The following NCKAP5 variants were observed in gnomAD, a reference collection of about 807,000 sequenced individuals.
NCKAP5 encodes NCK associated protein 5, also known as nck-associated protein 5.
Under a neutral mutation model 167.0 loss-of-function variants are expected in NCKAP5, and 92 were observed. The observed-to-expected ratio is 0.55, with a 90% CI of 0.47 to 0.66. The LOEUF is 0.66. NCKAP5 is among the 30% of genes least tolerant of loss of function. The pLI is 0.00. For missense variants in NCKAP5, 2,378 were observed against 2,315.0 expected (o/e 1.03, Z -0.56); for synonymous variants, 891 against 877.4 (o/e 1.02, Z -0.27).
intron 3 of NCKAP5, among the ~76,000 whole-genome samples, chr2:133,378,676 T>C (rs72989655): frequency 0.037 from 5,585 of 152,258 alleles, 334 homozygotes; most frequent in African/African-American, 0.13. Context: ...AGGAAATTAA[T>C]TGAAAAGAAG....
chr2:132,987,319 C>T (rs1259239676), intron 7 of NCKAP5, among the ~76,000 whole-genome samples: 1 of 152,266 alleles, frequency 6.6e-6, no homozygotes, highest in African/African-American at 2.4e-5. Flanking sequence ...GGAATAATAT[C>T]TCTGCCAGGC....
At chr2:133,370,437 G>A (rs779284255) in intron 3 of NCKAP5, among the ~76,000 whole-genome samples, 16 of 152,254 alleles carry the variant, frequency 1.1e-4, no homozygotes, top group South Asian at 2.1e-4. Context: ...GAATTATACC[G>A]TGCCCTTGAT....
intron 3 of NCKAP5, among the ~76,000 whole-genome samples, chr2:133,387,044 C>T (rs954342949): frequency 1.3e-5 from 2 of 152,178 alleles, no homozygotes; most frequent in Non-Finnish European, 2.9e-5. Flanking sequence ...AGCCCATTTA[C>T]ATTTAAGGTT....
chr2:132,737,987 T>C (rs1691680092), intron 16 of NCKAP5, among the ~76,000 whole-genome samples: 2 of 152,180 alleles, frequency 1.3e-5, no homozygotes, highest in African/African-American at 4.8e-5. Context: ...CCCTCACTGA[T>C]GTGGAATGAA....
chr2:133,309,406 C>T (rs760823924), intron 3 of NCKAP5, among the ~76,000 whole-genome samples: 4 of 152,090 alleles, frequency 2.6e-5, no homozygotes, highest in Non-Finnish European at 4.4e-5. Flanking sequence ...AAACAATGAA[C>T]CCCCCTTTCC....
intron 3 of NCKAP5, among the ~76,000 whole-genome samples, chr2:133,502,733 T>C (rs1173342991): frequency 6.6e-6 from 1 of 152,224 alleles, no homozygotes; most frequent in African/African-American, 2.4e-5. Flanking sequence ...CTGCAGACTT[T>C]TCAAGAAAAA....
intron 6 of NCKAP5, among the ~76,000 whole-genome samples, chr2:133,049,316 C>T (rs569304310): frequency 2.6e-5 from 4 of 152,090 alleles, no homozygotes; most frequent in Middle Eastern, 3.4e-3. Context: ...GAAGCCTAGG[C>T]GGGTGGATCC....
At chr2:132,697,814 G>C (rs964177410) in intron 19 of NCKAP5, among the ~76,000 whole-genome samples, 1 of 152,170 alleles carries the variant, frequency 6.6e-6, no homozygotes, top group African/African-American at 2.4e-5. Flanking sequence ...AGAAGGGAGA[G>C]TCTTTTTGGT....
At chr2:133,008,865 A>G (rs1415577230) in intron 6 of NCKAP5, among the ~76,000 whole-genome samples, 1 of 152,220 alleles carries the variant, frequency 6.6e-6, no homozygotes, top group Non-Finnish European at 1.5e-5. Flanking sequence ...GATTTTGCCA[A>G]TCATCAAAAT....
At chr2:133,029,918 T>G (rs942346620) in intron 6 of NCKAP5, among the ~76,000 whole-genome samples, 1 of 152,196 alleles carries the variant, frequency 6.6e-6, no homozygotes, top group African/African-American at 2.4e-5. Context: ...TTTCTGGTTA[T>G]ATAGCTAACT....
chr2:132,928,491 A>G (rs1195684471), intron 8 of NCKAP5, among the ~76,000 whole-genome samples: 1 of 152,198 alleles, frequency 6.6e-6, no homozygotes. Flanking sequence ...AATAATAGCT[A>G]TGACACATAT....
At chr2:133,520,535 C>A (rs2104768381) in intron 2 of NCKAP5, among the ~76,000 whole-genome samples, 1 of 152,250 alleles carries the variant, frequency 6.6e-6, no homozygotes, top group East Asian at 1.9e-4. Context: ...AGGCTGGGGA[C>A]AGATACAGGT....
chr2:133,229,050 C>T (rs190760497), intron 4 of NCKAP5, among the ~76,000 whole-genome samples: 26 of 152,212 alleles, frequency 1.7e-4, no homozygotes, highest in Non-Finnish European at 2.8e-4. Context: ...TATTCCACTA[C>T]GTAAAACTCT....
chr2:133,509,762 T>C (rs1158686004), intron 3 of NCKAP5, among the ~76,000 whole-genome samples: 1 of 152,120 alleles, frequency 6.6e-6, no homozygotes, highest in Admixed American at 6.5e-5. Flanking sequence ...CCAATAAACG[T>C]CCTACAATAC....
intron 6 of NCKAP5, among the ~76,000 whole-genome samples, chr2:133,042,583 A>C (rs2079250964): frequency 6.6e-6 from 1 of 152,220 alleles, no homozygotes; most frequent in African/African-American, 2.4e-5. Context: ...ATTGCTCTAT[A>C]TTAACATGCC....
intron 11 of NCKAP5, among the ~76,000 whole-genome samples, chr2:132,830,230 T>C (rs558536451): frequency 6.6e-6 from 1 of 152,320 alleles, no homozygotes; most frequent in Non-Finnish European, 1.5e-5. Flanking sequence ...TCAAAAATTA[T>C]TTTCAACAGG....
At chr2:132,845,693 C>T (rs1053851726) in intron 11 of NCKAP5, among the ~76,000 whole-genome samples, 1 of 152,130 alleles carries the variant, frequency 6.6e-6, no homozygotes, top group Non-Finnish European at 1.5e-5. Flanking sequence ...TTTTGAAGTA[C>T]CACAGGGTAA....
intron 19 of NCKAP5, among the ~76,000 whole-genome samples, chr2:132,703,004 C>A (rs978857091): frequency 1.3e-5 from 2 of 152,012 alleles, no homozygotes; most frequent in Non-Finnish European, 2.9e-5. Flanking sequence ...TATAGTGAGA[C>A]CCTGTCCCTA....
At chr2:133,023,364 A>G (rs1051329856) in intron 6 of NCKAP5, among the ~76,000 whole-genome samples, 1 of 152,176 alleles carries the variant, frequency 6.6e-6, no homozygotes, top group Non-Finnish European at 1.5e-5. Context: ...TATTTGTTCT[A>G]TTATAATGTT....
Sources: allele counts gnomAD v4.1 joint callset (sites outside exome capture counted in the v4.1 genomes callset), GRCh38; gene constraint gnomAD v4.1.1; transcripts MANE v1.5; gene names NCBI Gene and HGNC (gene_info 2026-07-23, HGNC 2026-07-21).